CDH13: variants seen among roughly 807,000 people sequenced by gnomAD.
The protein encoded by CDH13 is cadherin-13.
A neutral mutation model predicts 63.8 loss-of-function variants in CDH13; 24 were observed. The observed-to-expected ratio is 0.38, with a 90% CI of 0.27 to 0.53. CDH13 has a LOEUF of 0.53. Ranked by LOEUF, CDH13 falls within the 20% of genes least tolerant of loss-of-function variation. The pLI is 0.85. For synonymous variants in CDH13, 503 were observed against 355.3 expected (o/e 1.42, Z -4.67); for missense variants, 1,049 against 903.1 (o/e 1.16, Z -2.07).
intron 8 of CDH13, among the ~76,000 whole-genome samples, chr16:83,608,963 G>T (rs1253441020): frequency 6.6e-6 from 1 of 152,162 alleles, no homozygotes; most frequent in South Asian, 2.1e-4. Flanking sequence ...AGAACAAAAG[G>T]TATAGGCTTT....
At chr16:82,681,413 A>C (rs1914531820) in intron 1 of CDH13, among the ~76,000 whole-genome samples, 1 of 152,224 alleles carries the variant, frequency 6.6e-6, no homozygotes, top group African/African-American at 2.4e-5. Flanking sequence ...AAACGTTGTG[A>C]AGCTAGATAG....
At chr16:83,357,925 T>A (rs370807029) in intron 6 of CDH13, among the ~76,000 whole-genome samples, 36 of 152,274 alleles carry the variant, frequency 2.4e-4, no homozygotes, top group African/African-American at 8.7e-4. Flanking sequence ...GTGGGAGATG[T>A]TGCCAGGCCC....
At chr16:83,091,923 C>G (rs73600103) in intron 3 of CDH13, among the ~76,000 whole-genome samples, 4,546 of 152,258 alleles carry the variant, frequency 0.03, 226 homozygotes, top group African/African-American at 0.1. Flanking sequence ...TCTTTCACAC[C>G]TGTGTGCCTA....
chr16:83,000,367 G>T (rs542861872), intron 2 of CDH13, among the ~76,000 whole-genome samples: 2 of 146,078 alleles, frequency 1.4e-5, no homozygotes, highest in South Asian at 4.5e-4. Context: ...TCTTGCCTCA[G>T]CCTCGCGAGT....
intron 4 of CDH13, among the ~76,000 whole-genome samples, chr16:83,187,892 A>G (rs1057471148): frequency 1.3e-5 from 2 of 152,176 alleles, no homozygotes; most frequent in Non-Finnish European, 2.9e-5. Flanking sequence ...GCCCTCAGTG[A>G]GAACTGATGA....
chr16:83,234,626 A>G (rs1035722815), intron 5 of CDH13, among the ~76,000 whole-genome samples: 1 of 152,162 alleles, frequency 6.6e-6, no homozygotes, highest in African/African-American at 2.4e-5. Flanking sequence ...ATCACTTAGA[A>G]GTTAAGTCTC....
chr16:83,774,558 G>C (rs1197776613), intron 11 of CDH13, among the ~76,000 whole-genome samples: 4 of 152,118 alleles, frequency 2.6e-5, no homozygotes, highest in African/African-American at 9.7e-5. Flanking sequence ...ATTTTTAGTA[G>C]AGACAGGGTT....
chr16:83,145,545 A>C (rs142064960), intron 4 of CDH13, among the ~76,000 whole-genome samples: 9 of 152,356 alleles, frequency 5.9e-5, no homozygotes, highest in African/African-American at 2.2e-4. Flanking sequence ...CCGTGTCAAC[A>C]CAGTTCTGCA....
chr16:83,130,361 C>T (rs924441663), intron 4 of CDH13, among the ~76,000 whole-genome samples: 2 of 152,180 alleles, frequency 1.3e-5, no homozygotes, highest in Non-Finnish European at 2.9e-5. Flanking sequence ...ATTTCAAAGT[C>T]TGTGCTCTTA....
chr16:83,257,546 G>T (rs1304891396), intron 5 of CDH13, among the ~76,000 whole-genome samples: 1 of 152,134 alleles, frequency 6.6e-6, no homozygotes, highest in Non-Finnish European at 1.5e-5. Context: ...CCATGAATCT[G>T]TTAGGAAGAA....
At chr16:83,503,523 A>T (rs1245456207) in intron 7 of CDH13, among the ~76,000 whole-genome samples, 1 of 152,066 alleles carries the variant, frequency 6.6e-6, no homozygotes, top group Non-Finnish European at 1.5e-5. Context: ...AGCTAGGGAG[A>T]TGCCACTCAG....
At chr16:82,853,619 C>A (rs943160070) in intron 1 of CDH13, among the ~76,000 whole-genome samples, 1 of 152,210 alleles carries the variant, frequency 6.6e-6, no homozygotes, top group African/African-American at 2.4e-5. Flanking sequence ...TGGCTTAAAC[C>A]TGTGCTTATA....
chr16:83,540,217 T>C (rs545293221), intron 7 of CDH13, among the ~76,000 whole-genome samples: 26 of 151,926 alleles, frequency 1.7e-4, no homozygotes, highest in African/African-American at 6.3e-4. Context: ...GGCCGAAAGA[T>C]TGAGGGTCGT....
At chr16:83,435,118 C>T (rs1254370839) in intron 6 of CDH13, among the ~76,000 whole-genome samples, 2 of 151,754 alleles carry the variant, frequency 1.3e-5, no homozygotes, top group Non-Finnish European at 2.9e-5. Flanking sequence ...ACAATCTCGG[C>T]TTACTGCAAC....
chr16:82,785,240 A>G (rs2035949505), intron 1 of CDH13, among the ~76,000 whole-genome samples: 1 of 152,184 alleles, frequency 6.6e-6, no homozygotes, highest in South Asian at 2.1e-4. Context: ...AATGTCTAAC[A>G]TGGGTTGGAA....
intron 6 of CDH13, among the ~76,000 whole-genome samples, chr16:83,400,429 C>T (rs896332741): frequency 3.9e-5 from 6 of 152,110 alleles, no homozygotes; most frequent in African/African-American, 1.4e-4. Flanking sequence ...AGGATGGGGT[C>T]ATAGTGCGGA....
chr16:83,006,172 T>A (rs191073735), intron 2 of CDH13, among the ~76,000 whole-genome samples: 11 of 152,242 alleles, frequency 7.2e-5, no homozygotes, highest in Non-Finnish European at 1.5e-4. Context: ...AGTGGGGGCA[T>A]TTTCAAGTCT....
intron 6 of CDH13, among the ~76,000 whole-genome samples, chr16:83,436,840 G>C (rs2072320435): frequency 6.6e-6 from 1 of 152,160 alleles, no homozygotes; most frequent in South Asian, 2.1e-4. Flanking sequence ...TTAATCCATA[G>C]AGATAAATCA....
intron 5 of CDH13, among the ~76,000 whole-genome samples, chr16:83,233,309 C>A (rs543812029): frequency 6.6e-6 from 1 of 152,180 alleles, no homozygotes; most frequent in Non-Finnish European, 1.5e-5. Flanking sequence ...GTGACGACCA[C>A]GACAATGTTG....
Sources: allele counts gnomAD v4.1 joint callset (sites outside exome capture counted in the v4.1 genomes callset), GRCh38; gene constraint gnomAD v4.1.1; transcripts MANE v1.5; gene names NCBI Gene and HGNC (gene_info 2026-07-23, HGNC 2026-07-21).